WDR43: variants seen among roughly 807,000 people sequenced by gnomAD.
WDR43 encodes the protein WD repeat domain 43.
Under a neutral mutation model 91.4 loss-of-function variants are expected in WDR43, and 13 were observed. The ratio of observed to expected loss-of-function variants is 0.14; its 90% CI spans 0.09 to 0.23. The LOEUF (loss-of-function observed/expected upper bound fraction) is 0.23, where lower values mean the gene tolerates loss of function less well. Ranked by LOEUF, WDR43 falls within the 10% of genes least tolerant of loss-of-function variation. The pLI, the probability that WDR43 is intolerant of heterozygous loss-of-function variation, is 1.00. For synonymous variants in WDR43, 331 were observed against 287.9 expected, an observed-to-expected ratio of 1.15 and a Z score of -1.51; for missense variants, 780 against 809.4, an observed-to-expected ratio of 0.96 and a Z score of 0.44.
At chr2:28,941,698 A>C (rs1671440418) in intron 15 of WDR43, 124 bp downstream of exon 15, 1 of 702,298 alleles carries the variant, frequency 1.4e-6, no homozygotes. Flanking sequence ...TAGCATGATC[A>C]TAGCTCACTG....
chr2:28,928,057 G>A (rs530834337), intron 10 of WDR43: 53 of 211,814 alleles, frequency 2.5e-4, no homozygotes, highest in Non-Finnish European at 3.7e-4. Flanking sequence ...GGCTGTCTGA[G>A]CAATCCTGGC....
chr2:28,898,149 C>T (rs914018252), intron 1 of WDR43, among the ~76,000 whole-genome samples: 2 of 152,218 alleles, frequency 1.3e-5, no homozygotes, highest in Non-Finnish European at 2.9e-5. Flanking sequence ...TTCTGCTTTT[C>T]CTTCTCTAAC....
chr2:28,944,972 G>A (rs1383175211), intron 16 of WDR43, among the ~76,000 whole-genome samples: 1 of 152,230 alleles, frequency 6.6e-6, no homozygotes, highest in Non-Finnish European at 1.5e-5. Flanking sequence ...TTGGATTGCA[G>A]TTGCCAGGGG....
chr2:28,921,133 T>A (rs1411022455), intron 6 of WDR43, among the ~76,000 whole-genome samples: 193 of 80,822 alleles, frequency 2.4e-3, no homozygotes, highest in South Asian at 8.1e-3. Flanking sequence ...TAAAAAAAAT[T>A]TTTTTTTTTT....
chr2:28,906,639 T>C (rs1257185858), intron 3 of WDR43, 58 bp downstream of exon 3: 31 of 1,568,478 alleles, frequency 2.0e-5, no homozygotes, highest in Non-Finnish European at 2.5e-5. Flanking sequence ...GCTGGACTTG[T>C]GGGGAATGCA....
chr2:28,913,556 C>G (rs1356551544), intron 4 of WDR43: 1 of 407,922 alleles, frequency 2.5e-6, no homozygotes, highest in South Asian at 1.9e-5. Flanking sequence ...ATTTTGATTT[C>G]TAGCCTACAT....
At chr2:28,925,539 G>A (rs1671112729) in intron 8 of WDR43, among the ~76,000 whole-genome samples, 2 of 152,162 alleles carry the variant, frequency 1.3e-5, no homozygotes, top group Admixed American at 6.5e-5. Context: ...GCCTAGTTAC[G>A]AAGATATGAA....
intron 3 of WDR43, 36 bp downstream of exon 3, chr2:28,906,617 A>T (rs1161371342): frequency 6.3e-7 from 1 of 1,599,248 alleles, no homozygotes; most frequent in Admixed American, 1.7e-5. Context: ...AATGCAATAG[A>T]CGTGGATAAA....
intron 10 of WDR43, among the ~76,000 whole-genome samples, chr2:28,928,881 C>T (rs1016941914): frequency 6.6e-6 from 1 of 152,050 alleles, no homozygotes. Flanking sequence ...TGCCATGTTG[C>T]CCAGGCTGGT....
At chr2:28,920,189 C>CT (rs1558375894) in intron 6 of WDR43, among the ~76,000 whole-genome samples, 1 of 143,192 alleles carries the variant, frequency 7.0e-6, no homozygotes, top group East Asian at 2.0e-4. Context: ...CTTGAAGTGA[C>CT]TTTCTGAAAA....
intron 14 of WDR43, 71 bp downstream of exon 14, chr2:28,938,065 G>A (rs1671366670): frequency 1.3e-6 from 2 of 1,519,130 alleles, no homozygotes; most frequent in Non-Finnish European, 1.8e-6. Context: ...ACTTTGACAA[G>A]TATGGCTGAA....
intron 14 of WDR43, 118 bp downstream of exon 14, chr2:28,938,112 A>G (rs1671367405): frequency 4.7e-6 from 5 of 1,058,168 alleles, no homozygotes; most frequent in Non-Finnish European, 6.9e-6. Flanking sequence ...TTCAGCCGTT[A>G]GATGCTTCCT....
rs375061199 is a variant in WDR43, at chr2:28,942,312, G to A, written c.1735G>A (p.Val579Ile). The change falls in exon 16 of 18, where the codon GTA (valine) becomes ATA (isoleucine). Residue 579 changes from valine to isoleucine, a missense_variant and splice_region_variant. By Grantham distance (29) the Val-to-Ile change is conservative. Around this residue, in one of 4 missense-constraint regions of WDR43, gnomAD observed 426 missense variants for 467.8 expected, o/e 0.91. Transcript: ENST00000407426. The stretch of plus-strand genomic sequence containing the variant: ...AGAACAGTACTTTATCTTCTTCCAG[G>A]TAACAGCATCAGAGAAGACAAAGGG... ...HGKLILLITQ[V>I]TASEKTKGAT... 1.9e-6 allele frequency: 3 copies of A among 1,612,946 alleles called. No individual in the cohort carries two copies. Among genetic ancestry groups the A allele is most frequent in the Non-Finnish European group, 2.5e-6 (3 of 1,179,440 alleles).
chr2:28,905,351 A>G (rs770034719), intron 2 of WDR43, among the ~76,000 whole-genome samples: 1 of 152,196 alleles, frequency 6.6e-6, no homozygotes, highest in East Asian at 1.9e-4. Context: ...AGCTCTTCTC[A>G]GTTTCTATTC....
intron 1 of WDR43, among the ~76,000 whole-genome samples, chr2:28,896,141 T>C (rs921834580): frequency 6.6e-6 from 1 of 152,190 alleles, no homozygotes; most frequent in Non-Finnish European, 1.5e-5. Flanking sequence ...GCTCTGCTTA[T>C]CTTTTATTTT....
intron 2 of WDR43, among the ~76,000 whole-genome samples, chr2:28,903,348 A>G (rs1273878019): frequency 6.6e-6 from 1 of 152,224 alleles, no homozygotes; most frequent in African/African-American, 2.4e-5. Context: ...CTATATATGT[A>G]GTATAAAAAT....
chr2:28,899,753 A>G (rs544531570), intron 1 of WDR43, among the ~76,000 whole-genome samples: 1 of 152,334 alleles, frequency 6.6e-6, no homozygotes, highest in South Asian at 2.1e-4. Context: ...TAAAATGTAC[A>G]TTGGTTATAT....
intron 10 of WDR43, 111 bp downstream of exon 10, chr2:28,927,811 A>C: frequency 2.2e-6 from 3 of 1,391,248 alleles, no homozygotes; most frequent in Non-Finnish European, 2.9e-6. Flanking sequence ...ATTTACTGAG[A>C]TTTCTCCTGT....
chr2:28,931,645 G>A lies in WDR43; in HGVS notation c.1437+1935G>A, dbSNP rs115257876. Among the ~76,000 whole-genome samples, 807 of 143,586 alleles carry A rather than the reference G, an allele frequency of 5.6e-3. 9 individuals carry two copies. The highest frequency in any genetic ancestry group is 0.019 in the African/African-American group (769 of 40,360). 94.2% of individuals were successfully genotyped at this position (143,586 alleles called of 152,430 possible). On this transcript the variant is annotated intron_variant, in intron 11 of 17. Transcript: ENST00000407426. ...TAGATCTATAAGCTAGAAGAGATTC[G>A]GTTTAAAATCTTTTTTTTTTTTGCA... is the stretch of plus-strand genomic sequence containing the variant.
Sources: allele counts gnomAD v4.1 joint callset (sites outside exome capture counted in the v4.1 genomes callset), GRCh38; gene constraint gnomAD v4.1.1; regional missense constraint gnomAD v4.1.1; transcripts MANE v1.5; gene names NCBI Gene and HGNC (gene_info 2026-07-23, HGNC 2026-07-21).